The following PRELID2 variants were observed in gnomAD, a reference collection of about 807,000 sequenced individuals.
The protein encoded by PRELID2 is PRELI domain-containing protein 2.
In PRELID2, 25 loss-of-function variants were observed where a neutral mutation model predicts 28.4. The observed-to-expected ratio is 0.88, with a 90% CI of 0.64 to 1.23. The LOEUF (loss-of-function observed/expected upper bound fraction) is 1.23. Among genes scored for constraint, PRELID2 ranks in the 50% most tolerant of loss-of-function variants. The pLI, the probability that PRELID2 is intolerant of heterozygous loss-of-function variation, is 0.00. For missense variants in PRELID2, 201 were observed against 214.4 expected, an observed-to-expected ratio of 0.94 and a Z score of 0.39; for synonymous variants, 76 against 71.6, an observed-to-expected ratio of 1.06 and a Z score of -0.31.
intron 1 of PRELID2, among the ~76,000 whole-genome samples, chr5:145,486,674 CA>C (rs982205911): frequency 2.0e-5 from 3 of 152,110 alleles, no homozygotes; most frequent in Non-Finnish European, 4.4e-5. Context: ...GATTGAAAAG[CA>C]AAGAAAATCA....
chr5:145,605,019 G>C (rs1288369506), intron 1 of PRELID2, among the ~76,000 whole-genome samples: 1 of 150,064 alleles, frequency 6.7e-6, no homozygotes, highest in Admixed American at 6.7e-5. Flanking sequence ...TAATGGGGTT[G>C]TTTGGTTTTT....
At chr5:145,306,933 T>C in the PRELID2 span, among the ~76,000 whole-genome samples, 3 of 152,214 alleles carry the variant, frequency 2.0e-5, no homozygotes, top group Non-Finnish European at 4.4e-5. Flanking sequence ...TTTGAATGTA[T>C]ACTTATCAAA....
chr5:145,370,507 C>T, the PRELID2 span, among the ~76,000 whole-genome samples: 1 of 152,056 alleles, frequency 6.6e-6, no homozygotes, highest in South Asian at 2.1e-4. Flanking sequence ...CAGTACCATG[C>T]CGTTTTGGTT....
At chr5:145,464,843 T>G in the PRELID2 span, among the ~76,000 whole-genome samples, 1 of 152,278 alleles carries the variant, frequency 6.6e-6, no homozygotes, top group African/African-American at 2.4e-5. Context: ...CTATCTGATA[T>G]ATGAAATCCA....
At chr5:145,394,128 A>T in the PRELID2 span, among the ~76,000 whole-genome samples, 1 of 152,294 alleles carries the variant, frequency 6.6e-6, no homozygotes, top group South Asian at 2.1e-4. Context: ...AGACACATGT[A>T]CATGTATGTT....
intron 5 of PRELID2, among the ~76,000 whole-genome samples, chr5:145,791,329 C>T (rs776020409): frequency 2.0e-5 from 3 of 152,072 alleles, no homozygotes; most frequent in Non-Finnish European, 4.4e-5. Context: ...GGAACATAGC[C>T]AAACCATATC....
the PRELID2 span, among the ~76,000 whole-genome samples, chr5:145,320,462 A>G: frequency 6.6e-6 from 1 of 151,780 alleles, no homozygotes; most frequent in Non-Finnish European, 1.5e-5. Context: ...TTTAGTAGAG[A>G]CGGGGTTTCA....
chr5:145,296,630 T>C, the PRELID2 span, among the ~76,000 whole-genome samples: 1 of 152,222 alleles, frequency 6.6e-6, no homozygotes, highest in Non-Finnish European at 1.5e-5. Flanking sequence ...TTTGCCATTG[T>C]GAATAGTGCC....
chr5:145,697,080 T>C (rs113794182), intron 1 of PRELID2, among the ~76,000 whole-genome samples: 10,421 of 84,956 alleles, frequency 0.12, 902 homozygotes, highest in African/African-American at 0.3. Context: ...TATATATATA[T>C]ACACACACAC....
intron 1 of PRELID2, among the ~76,000 whole-genome samples, chr5:145,686,855 C>A (rs1286435478): frequency 1.3e-5 from 2 of 152,040 alleles, no homozygotes; most frequent in African/African-American, 2.4e-5. Context: ...AAAATTTTTT[C>A]TTTAATTTTA....
At chr5:145,744,769 A>C (rs999220946) in intron 1 of PRELID2, among the ~76,000 whole-genome samples, 3 of 152,182 alleles carry the variant, frequency 2.0e-5, no homozygotes, top group Non-Finnish European at 4.4e-5. Context: ...CAACAAAAAA[A>C]CACCAAAAAT....
At chr5:145,622,337 T>A (rs1190704549) in intron 1 of PRELID2, among the ~76,000 whole-genome samples, 1 of 152,168 alleles carries the variant, frequency 6.6e-6, no homozygotes, top group Non-Finnish European at 1.5e-5. Flanking sequence ...GTGACTTATA[T>A]CCCTATAAAG....
chr5:145,280,177 A>G, the PRELID2 span, among the ~76,000 whole-genome samples: 1 of 152,158 alleles, frequency 6.6e-6, no homozygotes, highest in South Asian at 2.1e-4. Context: ...TGTTTGAAAC[A>G]TGCCGGCCCC....
chr5:145,714,266 G>T (rs1022576061), intron 1 of PRELID2, among the ~76,000 whole-genome samples: 1 of 152,136 alleles, frequency 6.6e-6, no homozygotes, highest in African/African-American at 2.4e-5. Flanking sequence ...AATTAAATAA[G>T]TGTGACAGAT....
Position 145,583,776 on chromosome 5 carries a change from C to T in PRELID2, n.71-110461G>A, listed in dbSNP as rs561577785. ...TCAAGGAGAACACAAACCATTGCTC[C>T]AAGAAATCAGAAAGGACACAAACAT... On this transcript the variant is annotated intron_variant and non_coding_transcript_variant, in intron 1 of 2. Coordinates refer to the PRELID2 transcript ENST00000510259. Among the ~76,000 whole-genome samples, 6 of 151,920 alleles carry T rather than the reference C, an allele frequency of 3.9e-5. No homozygotes were observed. In the South Asian group the frequency reaches 1.2e-3, roughly 32 times the overall value.
intron 1 of PRELID2, among the ~76,000 whole-genome samples, chr5:145,642,986 C>A (rs1754133720): frequency 6.6e-6 from 1 of 152,168 alleles, no homozygotes; most frequent in African/African-American, 2.4e-5. Context: ...TTAGGATTGT[C>A]TTGGCTATGC....
intron 1 of PRELID2, among the ~76,000 whole-genome samples, chr5:145,496,260 C>A (rs544804802): frequency 6.8e-4 from 103 of 152,208 alleles, no homozygotes; most frequent in Non-Finnish European, 1.1e-3. Flanking sequence ...ATTTGAAGTG[C>A]CCACTAGACA....
intron 1 of PRELID2, among the ~76,000 whole-genome samples, chr5:145,672,082 C>G (rs1199589497): frequency 6.6e-6 from 1 of 152,164 alleles, no homozygotes; most frequent in South Asian, 2.1e-4. Flanking sequence ...TTCCTTTACA[C>G]ACTTCTTCCA....
chr5:145,259,385 T>G, the PRELID2 span, among the ~76,000 whole-genome samples: 1 of 152,144 alleles, frequency 6.6e-6, no homozygotes, highest in South Asian at 2.1e-4. Flanking sequence ...GCACTCTAGA[T>G]CAGGCCTTAA....
Sources: allele counts gnomAD v4.1 joint callset (sites outside exome capture counted in the v4.1 genomes callset), GRCh38; gene constraint gnomAD v4.1.1; transcripts MANE v1.5; gene names NCBI Gene and HGNC (gene_info 2026-07-23, HGNC 2026-07-21).